Variants in MARCHF1 observed in about 807,000 individuals in gnomAD.
MARCHF1 encodes the protein membrane associated ring-CH-type finger 1.
MARCHF1 carries 40 observed loss-of-function variants against 54.2 expected under a neutral mutation model. The ratio of observed to expected loss-of-function variants is 0.74; its 90% CI spans 0.57 to 0.96. The LOEUF is 0.96. Ranked by LOEUF, MARCHF1 falls within the 40% of genes least tolerant of loss-of-function variation. The pLI, the probability that MARCHF1 is intolerant of heterozygous loss-of-function variation, is 0.00. For missense variants in MARCHF1, 586 were observed against 656.5 expected (o/e 0.89, Z 1.17); for synonymous variants, 236 against 236.3 (o/e 1.00, Z 0.01).
intron 4 of MARCHF1, among the ~76,000 whole-genome samples, chr4:163,807,066 C>A (rs182777267): frequency 6.6e-6 from 1 of 151,836 alleles, no homozygotes; most frequent in Non-Finnish European, 1.5e-5. Flanking sequence ...GTCAAAAATC[C>A]GAAACAAAAT....
At chr4:163,696,739 A>T (rs1744647200) in intron 5 of MARCHF1, among the ~76,000 whole-genome samples, 1 of 152,112 alleles carries the variant, frequency 6.6e-6, no homozygotes, top group South Asian at 2.1e-4. Context: ...GCCTTCCCTG[A>T]CAGTTGATCA....
intron 2 of MARCHF1, among the ~76,000 whole-genome samples, chr4:164,085,101 C>A (rs1755168953): frequency 1.3e-5 from 2 of 151,774 alleles, no homozygotes; most frequent in South Asian, 4.2e-4. Context: ...TAGTATATTT[C>A]TTTCATTTAC....
chr4:163,691,408 T>C (rs1190111712), intron 5 of MARCHF1, among the ~76,000 whole-genome samples: 2 of 152,148 alleles, frequency 1.3e-5, no homozygotes, highest in Non-Finnish European at 2.9e-5. Flanking sequence ...GAAATACATA[T>C]GTCCCTCAAG....
At chr4:164,143,601 C>A (rs1380205878) in intron 1 of MARCHF1, among the ~76,000 whole-genome samples, 9 of 152,038 alleles carry the variant, frequency 5.9e-5, no homozygotes, top group South Asian at 2.1e-4. Flanking sequence ...GAAATAAAAT[C>A]CTTTACAGAC....
At chr4:164,242,821 C>T (rs928286742) in intron 1 of MARCHF1, among the ~76,000 whole-genome samples, 2 of 151,308 alleles carry the variant, frequency 1.3e-5, no homozygotes, top group Non-Finnish European at 1.5e-5. Context: ...TCGAGAACTA[C>T]GTGAAGAATG....
chr4:164,254,106 G>A (rs1380824714), intron 1 of MARCHF1, among the ~76,000 whole-genome samples: 1 of 151,998 alleles, frequency 6.6e-6, no homozygotes, highest in Non-Finnish European at 1.5e-5. Context: ...GTCTATATTT[G>A]TTATGAATTT....
intron 7 of MARCHF1, among the ~76,000 whole-genome samples, chr4:163,592,122 GA>G (rs1320262766): frequency 6.6e-6 from 1 of 152,010 alleles, no homozygotes; most frequent in Non-Finnish European, 1.5e-5. Context: ...AAAATACCTT[GA>G]AAACTCAAGT....
In MARCHF1 at chr4:164,027,392, A is replaced by AAAAAAAAAAAAAAAAAAT. The variant is rs1553971149; in HGVS notation, c.-247-38684_-247-38683insATTTTTTTTTTTTTTTTT. Among the ~76,000 whole-genome samples, 107 of 59,006 alleles carry AAAAAAAAAAAAAAAAAAT rather than the reference A, an allele frequency of 1.8e-3. 31 individuals carry two copies. The highest frequency in any genetic ancestry group is 2.4e-3 in the Non-Finnish European group (73 of 29,976). 38.7% of individuals were successfully genotyped at this position (59,006 alleles called of 152,430 possible). A position where few individuals can be genotyped will look rare whatever the true frequency, so the allele number is the denominator to read the frequency against. ...AAAAAAAAAAAAAAAAAAAAAAAAA[A>AAAAAAAAAAAAAAAAAAT]AGATACATAGATAAATGGATCTATA... On this transcript the variant is annotated intron_variant, in intron 2 of 9. Transcript: ENST00000514618.
At chr4:164,358,922 A>G (rs1287884670) in intron 1 of MARCHF1, among the ~76,000 whole-genome samples, 1 of 152,146 alleles carries the variant, frequency 6.6e-6, no homozygotes, top group Admixed American at 6.5e-5. Flanking sequence ...TCATTTTTTC[A>G]TGTATTTTTA....
intron 1 of MARCHF1, among the ~76,000 whole-genome samples, chr4:164,117,676 G>T (rs1010740789): frequency 3.3e-5 from 5 of 152,064 alleles, no homozygotes; most frequent in Non-Finnish European, 5.9e-5. Flanking sequence ...AAGGCAGGCA[G>T]ATCACTTGAG....
At chr4:163,754,955 C>T (rs1746624129) in intron 4 of MARCHF1, among the ~76,000 whole-genome samples, 1 of 151,982 alleles carries the variant, frequency 6.6e-6, no homozygotes, top group Non-Finnish European at 1.5e-5. Flanking sequence ...GCAATTTTGC[C>T]CCTAGTCTCA....
intron 1 of MARCHF1, among the ~76,000 whole-genome samples, chr4:164,179,567 C>G (rs1218665838): frequency 6.6e-6 from 1 of 151,964 alleles, no homozygotes; most frequent in Admixed American, 6.6e-5. Context: ...ATGTAATAAA[C>G]CTCCCTTCAA....
chr4:163,876,854 A>G (rs760330538), intron 3 of MARCHF1, among the ~76,000 whole-genome samples: 2 of 152,172 alleles, frequency 1.3e-5, no homozygotes, highest in Non-Finnish European at 2.9e-5. Context: ...TAACTAGCCC[A>G]ATTCTCCAAA....
chr4:164,101,006 G>A (rs36164401), intron 2 of MARCHF1, among the ~76,000 whole-genome samples: 12,791 of 152,236 alleles, frequency 0.084, 613 homozygotes, highest in Middle Eastern at 0.16. Context: ...GTGACGGACT[G>A]CACCTGGAAA....
At chr4:163,822,723 G>C (rs1026919553) in intron 4 of MARCHF1, among the ~76,000 whole-genome samples, 3 of 151,812 alleles carry the variant, frequency 2.0e-5, no homozygotes, top group African/African-American at 7.2e-5. Flanking sequence ...CTTTATGCTA[G>C]AAACATTCAA....
At chr4:163,706,630 T>C (rs183363327) in intron 4 of MARCHF1, among the ~76,000 whole-genome samples, 23 of 152,126 alleles carry the variant, frequency 1.5e-4, no homozygotes, top group Non-Finnish European at 2.9e-4. Flanking sequence ...CATACTTTGA[T>C]GGGAAGATAA....
intron 1 of MARCHF1, among the ~76,000 whole-genome samples, chr4:164,288,184 T>C (rs1163915252): frequency 6.6e-6 from 1 of 150,384 alleles, no homozygotes; most frequent in Non-Finnish European, 1.5e-5. Context: ...TCATAGGGTT[T>C]AGAAATAGCC....
At chr4:163,587,924 T>C (rs780818055) in intron 7 of MARCHF1, among the ~76,000 whole-genome samples, 2 of 152,126 alleles carry the variant, frequency 1.3e-5, no homozygotes, top group Admixed American at 6.5e-5. Flanking sequence ...ATAAAGTATA[T>C]ATAGATACAG....
At chr4:163,714,011 T>A (rs1745187089) in intron 4 of MARCHF1, among the ~76,000 whole-genome samples, 1 of 152,192 alleles carries the variant, frequency 6.6e-6, no homozygotes. Flanking sequence ...AGATTGTACG[T>A]AGTTGAAATT....
Sources: allele counts gnomAD v4.1 joint callset (sites outside exome capture counted in the v4.1 genomes callset), GRCh38; gene constraint gnomAD v4.1.1; transcripts MANE v1.5; gene names NCBI Gene and HGNC (gene_info 2026-07-23, HGNC 2026-07-21).